The following HELZ variants were observed in gnomAD, a reference collection of about 807,000 sequenced individuals.
The protein encoded by HELZ is ATP-dependent RNA helicase with zinc finger domain.
Under a neutral mutation model 218.2 loss-of-function variants are expected in HELZ, and 23 were observed. That is an observed-to-expected ratio of 0.11 (90% confidence interval 0.08 to 0.15). The LOEUF is 0.15. Among genes scored for constraint, HELZ ranks in the 10% least tolerant of loss-of-function variants. HELZ has a pLI of 1.00. For missense variants in HELZ, 1,813 were observed against 2,353.7 expected (o/e 0.77, Z 4.75); for synonymous variants, 814 against 829.4 (o/e 0.98, Z 0.32).
chr17:67,102,901 T>C (rs1167561011), intron 31 of HELZ, among the ~76,000 whole-genome samples: 1 of 152,118 alleles, frequency 6.6e-6, no homozygotes, highest in East Asian at 1.9e-4. Flanking sequence ...CAAACAAAGA[T>C]AACAGAAATA....
chr17:67,123,815 CTG>C (rs58616216), intron 25 of HELZ, 146 bp downstream of exon 25: 31,820 of 520,400 alleles, frequency 0.061, 9 homozygotes, highest in Non-Finnish European at 0.078. Context: ...TCCAAAGTGA[CTG>C]TGTGTGTGTG....
intron 20 of HELZ, among the ~76,000 whole-genome samples, chr17:67,147,637 CCTG>C (rs894870112): frequency 1.3e-5 from 2 of 151,500 alleles, no homozygotes; most frequent in African/African-American, 2.4e-5. Flanking sequence ...GCCACCATGC[CCTG>C]CTAATTTTTT....
intron 20 of HELZ, among the ~76,000 whole-genome samples, chr17:67,146,518 C>T (rs1453171376): frequency 1.3e-5 from 2 of 152,106 alleles, no homozygotes; most frequent in African/African-American, 4.8e-5. Flanking sequence ...AACAAAATCA[C>T]CTAATGACAC....
intron 12 of HELZ, among the ~76,000 whole-genome samples, chr17:67,187,198 A>G (rs1567874439): frequency 6.6e-6 from 1 of 152,222 alleles, no homozygotes; most frequent in Non-Finnish European, 1.5e-5. Context: ...AGCTATGGAA[A>G]TTAATTTATT....
chr17:67,200,811 C>A (rs1196705537), intron 7 of HELZ: 2 of 279,718 alleles, frequency 7.2e-6, no homozygotes, highest in Admixed American at 9.2e-5. Context: ...TTTCTAGTAG[C>A]CAGAAGTAGT....
rs202142788 is a variant in HELZ at position 67,109,533 on chromosome 17, G to A, written c.4072C>T (p.Arg1358Cys). ...AGCTGGGGAAGGGGATGAAAGTGGC[G>A]ATTAGGGATTGCATACTGTGCGTGG... Reference protein sequence around the residue: ...APHAQYAIPNRHFHPLPQLPR... With the variant: ...APHAQYAIPNCHFHPLPQLPR... Residue 1358 changes from arginine (R) to cysteine (C), a missense_variant, in exon 29 of 33, where the codon CGC (arginine) becomes TGC (cysteine). Transcript: ENST00000358691. 39 of 1,614,132 alleles carry A rather than the reference G, an allele frequency of 2.4e-5. No individual in the cohort carries two copies. Among genetic ancestry groups the A allele is most frequent in the Non-Finnish European group, 3.0e-5 (35 of 1,180,030 alleles).
At chr17:67,236,533 C>T (rs931031122) in intron 3 of HELZ, among the ~76,000 whole-genome samples, 5 of 152,004 alleles carry the variant, frequency 3.3e-5, no homozygotes, top group African/African-American at 9.7e-5. Context: ...CATAAAAAGA[C>T]TTAGGTAAAT....
intron 21 of HELZ, among the ~76,000 whole-genome samples, chr17:67,141,267 A>G (rs1344631799): frequency 1.3e-5 from 2 of 152,198 alleles, no homozygotes; most frequent in Admixed American, 1.3e-4. Flanking sequence ...TTGTTAGGCT[A>G]TAATATATAA....
Position 67,120,509 on chromosome 17 carries a change from C to T in HELZ, c.3734G>A (p.Arg1245Gln), listed in dbSNP as rs753257252. The change falls in exon 27 of 33, where the codon CGA becomes CAA. Residue 1245 changes from arginine (R) to glutamine (Q), a missense_variant. Around this residue, in one of 4 missense-constraint regions of HELZ, gnomAD observed 938 missense variants for 1,027.5 expected, o/e 0.91. Coordinates refer to ENST00000358691, the MANE Select transcript of HELZ (RefSeq NM_014877.4). ...AAGGCCATAAGGAATAGGAGATCCTCGTCCATGTGTCTGTAATAGGTTCAT... is the reference window on the plus strand; with the variant it reads ...AAGGCCATAAGGAATAGGAGATCCTTGTCCATGTGTCTGTAATAGGTTCAT... ...YNMNLLQTHG[R>Q]GSPIPYGLGH... 7.4e-6 allele frequency: 12 copies of T among 1,613,504 alleles called. No individual in the cohort carries two copies. Among genetic ancestry groups the T allele is most frequent in the Middle Eastern group, 1.7e-4 (1 of 5,988 alleles).
intron 31 of HELZ, among the ~76,000 whole-genome samples, chr17:67,096,044 T>C (rs1220129813): frequency 2.0e-5 from 3 of 152,326 alleles, no homozygotes; most frequent in African/African-American, 7.2e-5. Flanking sequence ...ACAACATTCA[T>C]GTCCTTGCAC....
chr17:67,078,214 A>G lies in HELZ; in HGVS notation c.*38T>C. On this transcript the variant is annotated 3_prime_UTR_variant, in exon 33 of 33. Transcript: ENST00000358691. The stretch of plus-strand genomic sequence containing the variant: ...ACCTTAATTCTACTGATACAAACAG[A>G]AATTAAAACATTCTCCCTTGAGGGA... The G allele has an allele frequency of 6.9e-7, 1 of 1,445,072 alleles. No homozygotes were observed. Among genetic ancestry groups the G allele is most frequent in the Non-Finnish European group, 9.7e-7 (1 of 1,029,610 alleles). 89.5% of individuals were successfully genotyped at this position (1,445,072 alleles called of 1,614,324 possible). A position where few individuals can be genotyped will look rare whatever the true frequency, so the allele number is the denominator to read the frequency against.
intron 12 of HELZ, among the ~76,000 whole-genome samples, chr17:67,185,256 A>C (rs1430208189): frequency 2.0e-5 from 3 of 152,196 alleles, no homozygotes; most frequent in African/African-American, 2.4e-5. Context: ...CACATAAACA[A>C]ATTGTTTGCC....
intron 27 of HELZ, among the ~76,000 whole-genome samples, chr17:67,115,845 A>G (rs1410067384): frequency 1.3e-5 from 2 of 152,182 alleles, no homozygotes; most frequent in African/African-American, 2.4e-5. Context: ...AAATTGTATC[A>G]GCTGGAATCG....
At chr17:67,109,890 A>G (rs1219486775) in intron 28 of HELZ, among the ~76,000 whole-genome samples, 1 of 152,200 alleles carries the variant, frequency 6.6e-6, no homozygotes. Flanking sequence ...AAAAAACAGC[A>G]TATTAAATGT....
chr17:67,166,661 T>C (rs1323187215), intron 14 of HELZ, 53 bp from the exon 15 acceptor site: 1 of 1,554,912 alleles, frequency 6.4e-7, no homozygotes, highest in African/African-American at 1.4e-5. Context: ...ACATCAATGC[T>C]GGCAGCTCAC....
intron 4 of HELZ, among the ~76,000 whole-genome samples, chr17:67,216,795 C>T (rs1305119458): frequency 6.6e-6 from 1 of 152,148 alleles, no homozygotes; most frequent in African/African-American, 2.4e-5. Context: ...GCTGCTGACA[C>T]TACTCCTCAT....
chr17:67,163,977 C>CATATACAATGTAATACAATGT (rs2039065062), intron 15 of HELZ, among the ~76,000 whole-genome samples: 1 of 152,162 alleles, frequency 6.6e-6, no homozygotes, highest in African/African-American at 2.4e-5. Context: ...AAATATACTA[C>CATATACAATGTAATACAATGT]ATCATATACA....
intron 5 of HELZ, among the ~76,000 whole-genome samples, chr17:67,203,931 C>A (rs2040233145): frequency 6.6e-6 from 1 of 152,192 alleles, no homozygotes; most frequent in African/African-American, 2.4e-5. Flanking sequence ...CCAGTGGCCA[C>A]AGAAAATGCT....
Position 67,201,153 on chromosome 17 carries a change from T to C in HELZ, c.405A>G (p.Leu135=), listed in dbSNP as rs970795635. Residue 135 remains leucine (L), a synonymous_variant, in exon 7 of 33, where the codon CTA becomes CTG. Coordinates refer to ENST00000358691, the MANE Select transcript of HELZ (RefSeq NM_014877.4). ...NGMVTKDLTR[L]KTLLSETETA... is the part of the protein sequence containing the mutation. ...CCTCTGTTTCTGAGAGAAGTGTTTTTAGTCTTGTCAAATCCTTTGTTACCA... is the reference window on the plus strand; with the variant it reads ...CCTCTGTTTCTGAGAGAAGTGTTTTCAGTCTTGTCAAATCCTTTGTTACCA... The C allele has an allele frequency of 6.2e-7, 1 of 1,610,186 alleles. No individual in the cohort carries two copies. Among genetic ancestry groups the C allele is most frequent in the Non-Finnish European group, 8.5e-7 (1 of 1,176,362 alleles).
Sources: gnomAD v4.1 joint callset for allele counts (sites outside exome capture counted in the v4.1 genomes callset) on GRCh38, gnomAD v4.1.1 for gene constraint, gnomAD v4.1.1 regional missense constraint, MANE v1.5 for transcripts, NCBI Gene and HGNC (gene_info 2026-07-23, HGNC 2026-07-21) for gene names.